Variants in GSAP observed in about 807,000 individuals in gnomAD.
The protein encoded by GSAP is gamma-secretase activating protein, also known as gamma-secretase-activating protein.
A neutral mutation model predicts 131.7 loss-of-function variants in GSAP; 118 were observed. The ratio of observed to expected loss-of-function variants is 0.90; its 90% CI spans 0.77 to 1.04. The LOEUF (loss-of-function observed/expected upper bound fraction) is 1.04. Ranked by LOEUF, GSAP falls within the 50% of genes least tolerant of loss-of-function variation. The probability of loss-of-function intolerance (pLI) is 0.00; values close to 1 mark genes in which losing one functional copy is unlikely to be tolerated. For synonymous variants in GSAP, 381 were observed against 363.4 expected (o/e 1.05, Z -0.55); for missense variants, 1,019 against 1,013.2 (o/e 1.01, Z -0.08).
intron 14 of GSAP, among the ~76,000 whole-genome samples, chr7:77,357,763 C>A (rs1311632306): frequency 6.6e-6 from 1 of 152,226 alleles, no homozygotes; most frequent in African/African-American, 2.4e-5. Flanking sequence ...GGAACAAATT[C>A]TTCCCTGGAG....
chr7:77,397,379 T>C lies in GSAP; in HGVS notation c.280A>G (p.Ser94Gly). The change falls in exon 4 of 31, where the codon AGT becomes GGT. Residue 94 changes from serine to glycine, a missense_variant. By Grantham distance (56) the Ser-to-Gly change is moderately conservative (BLOSUM62 0). Coordinates refer to ENST00000257626, the MANE Select transcript of GSAP (RefSeq NM_017439.4). Reference sequence around the variant, plus strand: ...GTCCTTTCACTGTTGACAGAGCAACTGAAAACTTGCAAGTCTTTCTCAAAG... The same window carrying C: ...GTCCTTTCACTGTTGACAGAGCAACCGAAAACTTGCAAGTCTTTCTCAAAG... Reference protein sequence around the residue: ...YTFEKDLQVFSCSVNSERTLL... With the variant: ...YTFEKDLQVFGCSVNSERTLL... The C allele has an allele frequency of 6.2e-7, 1 of 1,606,674 alleles. No homozygotes were observed. Among genetic ancestry groups the C allele is most frequent in the Non-Finnish European group, 8.5e-7 (1 of 1,174,696 alleles).
chr7:77,416,030 T>TC (rs1191817468), intron 1 of GSAP, among the ~76,000 whole-genome samples, 183 bp downstream of exon 1: 2 of 152,308 alleles, frequency 1.3e-5, no homozygotes, highest in African/African-American at 2.4e-5. Context: ...CCCCAGACCT[T>TC]CCGCCGTGGC....
rs545262582 is a variant in GSAP, at chr7:77,409,131, C to T, written c.110-3026G>A. On this transcript the variant is annotated intron_variant, in intron 1 of 30. Coordinates refer to ENST00000257626, the MANE Select transcript of GSAP (RefSeq NM_017439.4). ...GTATATGGAGCTGTCAGACTCACTT[C>T]ACACTGAAGGATAATAAGGATAATA... Among the ~76,000 whole-genome samples, 9 of 152,290 alleles carry T rather than the reference C, an allele frequency of 5.9e-5. No homozygotes were observed. In the East Asian group the frequency reaches 1.7e-3, roughly 29 times the overall value.
At chr7:77,313,400 A>T in intron 28 of GSAP, 88 bp downstream of exon 28, 1 of 711,542 alleles carries the variant, frequency 1.4e-6, no homozygotes, top group South Asian at 1.7e-5. Flanking sequence ...CTTTAACCCA[A>T]AGCAAGTAAA....
At chr7:77,354,300 G>A (rs1181903) in intron 16 of GSAP, among the ~76,000 whole-genome samples, 64,155 of 152,026 alleles carry the variant, frequency 0.42, 15,104 homozygotes, top group Non-Finnish European at 0.53. Context: ...TAGGTAATAC[G>A]ATATTACTAT....
chr7:77,326,271 G>T lies in GSAP; in HGVS notation c.1768C>A (p.Pro590Thr), dbSNP rs61741108. The T allele has an allele frequency of 6.8e-6, 11 of 1,610,984 alleles. No homozygotes were observed. In the East Asian group the frequency reaches 2.0e-4, roughly 29 times the overall value. The change falls in exon 23 of 31, where the codon CCA (proline) becomes ACA (threonine). Residue 590 changes from proline to threonine, a missense_variant and splice_region_variant. Coordinates refer to ENST00000257626, the MANE Select transcript of GSAP (RefSeq NM_017439.4). ...TCCTGCAGGAGGGGTGTTAATCTTG[G>T]CCCTGAAATGAAACAGAGCAATAGT... The part of the protein sequence containing the change: ...ISNLEARNLG[P>T]RLTPLLQEED...
At chr7:77,369,403 T>C (rs773038927) in intron 12 of GSAP, among the ~76,000 whole-genome samples, 2 of 152,200 alleles carry the variant, frequency 1.3e-5, no homozygotes, top group East Asian at 1.9e-4. Context: ...ACCAATCTCA[T>C]GAGCACGCCC....
intron 5 of GSAP, among the ~76,000 whole-genome samples, chr7:77,390,095 G>A (rs1031233762): frequency 3.3e-5 from 5 of 152,286 alleles, no homozygotes; most frequent in African/African-American, 1.2e-4. Flanking sequence ...TTGAGAAAGT[G>A]TCTGTTCATA....
intron 14 of GSAP, among the ~76,000 whole-genome samples, chr7:77,356,460 T>A (rs1056303642): frequency 5.3e-5 from 8 of 152,230 alleles, no homozygotes; most frequent in Non-Finnish European, 1.2e-4. Context: ...CCAGTGATCA[T>A]CATTATCATC....
At chr7:77,349,312 AT>A in intron 19 of GSAP, 38 bp downstream of exon 19, 1 of 1,450,306 alleles carries the variant, frequency 6.9e-7, no homozygotes, top group Non-Finnish European at 9.7e-7. Flanking sequence ...AGCTTTAGTC[AT>A]GTATCTGTAC....
At position 77,396,971 on chromosome 7, in the gene GSAP, A is replaced by T; in HGVS notation, c.367+11T>A. The T allele has an allele frequency of 6.5e-7, 1 of 1,537,206 alleles. No individual in the cohort carries two copies. The highest frequency in any genetic ancestry group is 9.0e-7 in the Non-Finnish European group (1 of 1,114,428). ...TCTACCCATAGGTACTAAAAAGTGT[A>T]ATTTCATTACCTGGTTGAAGTTCGT... On this transcript the variant is annotated intron_variant, in intron 5 of 30. Transcript: ENST00000257626.
At chr7:77,385,059 A>C (rs1429219252) in intron 6 of GSAP, among the ~76,000 whole-genome samples, 1 of 128,208 alleles carries the variant, frequency 7.8e-6, no homozygotes, top group Non-Finnish European at 1.6e-5. Context: ...TTTGAGATGG[A>C]GTTTCGCTCT....
chr7:77,397,558 G>A, intron 3 of GSAP, 143 bp from the exon 4 acceptor site: 1 of 551,714 alleles, frequency 1.8e-6, no homozygotes, highest in East Asian at 3.1e-5. Flanking sequence ...TAGCTATGCT[G>A]ACACATTCCA....
At position 77,416,236 on chromosome 7, in the gene GSAP, C is replaced by G; in HGVS notation, c.86G>C (p.Ser29Thr). Residue 29 changes from serine (S) to threonine (T), a missense_variant, in exon 1 of 31, where the codon AGC (serine) becomes ACC (threonine). Transcript: ENST00000257626. ...LRAQRAVSEA[S>T]GAGSGGADVL... ...ACCTGCGCCGCCGCTTCCGGCCCCGCTGGCCTCCGACACTGCCCGCTGCGC... is the reference window on the plus strand; with the variant it reads ...ACCTGCGCCGCCGCTTCCGGCCCCGGTGGCCTCCGACACTGCCCGCTGCGC... The G allele has an allele frequency of 6.8e-7, 1 of 1,480,240 alleles. No individual in the cohort carries two copies. Among genetic ancestry groups the G allele is most frequent in the South Asian group, 1.3e-5 (1 of 77,520 alleles). 91.7% of individuals were successfully genotyped at this position (1,480,240 alleles called of 1,614,324 possible). A position where few individuals can be genotyped will look rare whatever the true frequency, so the allele number is the denominator to read the frequency against.
chr7:77,342,606 T>TC (rs2150768954), intron 19 of GSAP, among the ~76,000 whole-genome samples: 1 of 151,794 alleles, frequency 6.6e-6, no homozygotes, highest in Non-Finnish European at 1.5e-5. Context: ...ACATCTCTAC[T>TC]CCCCCCTTGG....
At chr7:77,383,490 A>G (rs865994418) in intron 6 of GSAP, among the ~76,000 whole-genome samples, 1 of 152,186 alleles carries the variant, frequency 6.6e-6, no homozygotes, top group Non-Finnish European at 1.5e-5. Context: ...ACAGTGAGTC[A>G]TGGTGCCACA....
intron 28 of GSAP, 104 bp from the exon 29 acceptor site, chr7:77,312,306 G>C: frequency 3.3e-6 from 2 of 605,606 alleles, no homozygotes; most frequent in Non-Finnish European, 5.6e-6. Flanking sequence ...CAAAGTAGCT[G>C]GTTAGTCTCC....
chr7:77,339,595 A>C (rs181951368), intron 19 of GSAP, among the ~76,000 whole-genome samples: 44 of 152,294 alleles, frequency 2.9e-4, no homozygotes, highest in African/African-American at 9.9e-4. Context: ...GATGAATGGG[A>C]AACAACTGTC....
chr7:77,322,550 A>G (rs551822161), intron 24 of GSAP, among the ~76,000 whole-genome samples: 1 of 150,220 alleles, frequency 6.7e-6, no homozygotes, highest in Non-Finnish European at 1.5e-5. Flanking sequence ...TAAAGGTGAT[A>G]GGTGGATGTG....
Sources: allele counts gnomAD v4.1 joint callset (sites outside exome capture counted in the v4.1 genomes callset), GRCh38; gene constraint gnomAD v4.1.1; transcripts MANE v1.5; gene names NCBI Gene and HGNC (gene_info 2026-07-23, HGNC 2026-07-21).